Variants in MACROD2 observed in about 807,000 individuals in gnomAD.
The protein encoded by MACROD2 is ADP-ribose glycohydrolase MACROD2.
A neutral mutation model predicts 70.4 loss-of-function variants in MACROD2; 36 were observed. That is an observed-to-expected ratio of 0.51 (90% confidence interval 0.39 to 0.68). The LOEUF is 0.68. Ranked by LOEUF, MACROD2 falls within the 30% of genes least tolerant of loss-of-function variation. MACROD2 has a pLI of 0.00. For synonymous variants in MACROD2, 172 were observed against 178.8 expected (o/e 0.96, Z 0.30); for missense variants, 496 against 538.4 (o/e 0.92, Z 0.78).
At chr20:14,301,966 T>C (rs1204459851) in intron 3 of MACROD2, among the ~76,000 whole-genome samples, 2 of 152,234 alleles carry the variant, frequency 1.3e-5, no homozygotes, top group African/African-American at 4.8e-5. Context: ...TATAAAAATG[T>C]AGAAAACAAA....
chr20:14,516,926 CAT>C (rs2085107410), intron 4 of MACROD2, among the ~76,000 whole-genome samples: 1 of 152,170 alleles, frequency 6.6e-6, no homozygotes. Flanking sequence ...AGCCAACAAA[CAT>C]ATGAGAAAAA....
chr20:15,176,138 C>T (rs1376150457), intron 5 of MACROD2, among the ~76,000 whole-genome samples: 2 of 152,248 alleles, frequency 1.3e-5, no homozygotes, highest in African/African-American at 4.8e-5. Flanking sequence ...CCTTGGCCCC[C>T]TCTAGACTTT....
At position 14,654,331 on chromosome 20, in the gene MACROD2, G is replaced by T. The variant is rs1350872921; in HGVS notation, c.302-30512G>T. Among the ~76,000 whole-genome samples, 3 of 151,868 alleles carry T rather than the reference G, an allele frequency of 2.0e-5. No individual in the cohort carries two copies. In the East Asian group the frequency reaches 5.8e-4, roughly 29 times the overall value. On this transcript the variant is annotated intron_variant, in intron 4 of 17. Transcript: ENST00000684519. Reference sequence around the variant, plus strand: ...GGAGGCTGAGGCGGATGGATCACCTGAGGTCAGGAGTTCAAGAGCAGCCTG... The same window carrying T: ...GGAGGCTGAGGCGGATGGATCACCTTAGGTCAGGAGTTCAAGAGCAGCCTG...
At chr20:15,374,600 T>C (rs2045537864) in intron 6 of MACROD2, among the ~76,000 whole-genome samples, 1 of 152,192 alleles carries the variant, frequency 6.6e-6, no homozygotes, top group Non-Finnish European at 1.5e-5. Flanking sequence ...GTTTTAAGAT[T>C]GTACAGACAG....
intron 5 of MACROD2, among the ~76,000 whole-genome samples, chr20:15,206,883 C>T (rs1025967780): frequency 6.6e-6 from 1 of 150,754 alleles, no homozygotes; most frequent in Non-Finnish European, 1.5e-5. Flanking sequence ...ACTACAGGCG[C>T]CCGCCACCGC....
intron 5 of MACROD2, among the ~76,000 whole-genome samples, chr20:14,827,912 G>A (rs1033850512): frequency 1.3e-5 from 2 of 151,922 alleles, no homozygotes; most frequent in African/African-American, 4.8e-5. Flanking sequence ...CTCATATGAA[G>A]TAGAAAAAAT....
intron 8 of MACROD2, among the ~76,000 whole-genome samples, chr20:15,561,150 T>C (rs1482019319): frequency 2.0e-5 from 3 of 152,226 alleles, no homozygotes; most frequent in African/African-American, 7.2e-5. Context: ...AATGACATCA[T>C]TCATGGTCTT....
chr20:14,042,627 G>T (rs2053408526), intron 2 of MACROD2, among the ~76,000 whole-genome samples: 1 of 152,160 alleles, frequency 6.6e-6, no homozygotes, highest in Admixed American at 6.5e-5. Flanking sequence ...CTTAGCTTCA[G>T]TAGCTGGGAA....
intron 5 of MACROD2, among the ~76,000 whole-genome samples, chr20:15,028,390 C>G (rs2075249759): frequency 6.6e-6 from 1 of 152,132 alleles, no homozygotes. Context: ...ATTAGACACC[C>G]AAATCTACTG....
intron 3 of MACROD2, among the ~76,000 whole-genome samples, chr20:14,293,129 A>G (rs1239395644): frequency 6.6e-6 from 1 of 151,776 alleles, no homozygotes; most frequent in Non-Finnish European, 1.5e-5. Flanking sequence ...TATTAACACA[A>G]TTTGTACAAA....
At chr20:15,462,902 T>G (rs2046837225) in intron 7 of MACROD2, among the ~76,000 whole-genome samples, 1 of 152,176 alleles carries the variant, frequency 6.6e-6, no homozygotes, top group Admixed American at 6.5e-5. Flanking sequence ...AGTAAAAGGG[T>G]TTTTTCCCCT....
At chr20:14,470,080 T>A (rs558363022) in intron 3 of MACROD2, among the ~76,000 whole-genome samples, 1 of 152,236 alleles carries the variant, frequency 6.6e-6, no homozygotes, top group Non-Finnish European at 1.5e-5. Flanking sequence ...CTACCTTTGG[T>A]CTTTGCTGTT....
At chr20:15,781,525 C>G (rs1459669297) in intron 8 of MACROD2, among the ~76,000 whole-genome samples, 1 of 152,150 alleles carries the variant, frequency 6.6e-6, no homozygotes, top group Non-Finnish European at 1.5e-5. Context: ...GCTATCTCTG[C>G]TTTCAAGATG....
chr20:15,182,104 C>A (rs1461048147), intron 5 of MACROD2, among the ~76,000 whole-genome samples: 3 of 152,240 alleles, frequency 2.0e-5, no homozygotes, highest in African/African-American at 7.2e-5. Flanking sequence ...AGCAAAAGAA[C>A]AGACCCTAAA....
chr20:15,242,509 G>T (rs2077068367), intron 6 of MACROD2, among the ~76,000 whole-genome samples: 1 of 152,036 alleles, frequency 6.6e-6, no homozygotes, highest in Non-Finnish European at 1.5e-5. Flanking sequence ...CCTTTATTGT[G>T]ATGTCTTTGT....
chr20:14,748,859 C>T (rs940952275), intron 5 of MACROD2, among the ~76,000 whole-genome samples: 1 of 152,208 alleles, frequency 6.6e-6, no homozygotes, highest in African/African-American at 2.4e-5. Context: ...GCCATCCATG[C>T]ACCACGGTAG....
At chr20:15,169,678 G>A (rs2076409697) in intron 5 of MACROD2, among the ~76,000 whole-genome samples, 1 of 152,280 alleles carries the variant, frequency 6.6e-6, no homozygotes, top group East Asian at 1.9e-4. Context: ...TTAGTCATAT[G>A]TCCTGTTCCA....
chr20:14,419,215 C>A (rs531358895), intron 3 of MACROD2, among the ~76,000 whole-genome samples: 2 of 151,986 alleles, frequency 1.3e-5, no homozygotes, highest in Admixed American at 6.6e-5. Context: ...CCACCATGCC[C>A]GGCTAATTTT....
At chr20:15,178,548 C>T (rs1232843496) in intron 5 of MACROD2, among the ~76,000 whole-genome samples, 1 of 152,178 alleles carries the variant, frequency 6.6e-6, no homozygotes, top group African/African-American at 2.4e-5. Flanking sequence ...AGCTTGAGAT[C>T]TACAGAGGAG....
Sources: gnomAD v4.1 joint callset for allele counts (sites outside exome capture counted in the v4.1 genomes callset) on GRCh38, gnomAD v4.1.1 for gene constraint, MANE v1.5 for transcripts, NCBI Gene and HGNC (gene_info 2026-07-23, HGNC 2026-07-21) for gene names.